The following SLC11A2 variants were observed in gnomAD, a reference collection of about 807,000 sequenced individuals.
SLC11A2 encodes the protein natural resistance-associated macrophage protein 2.
A neutral mutation model predicts 68.0 loss-of-function variants in SLC11A2; 38 were observed. That is an observed-to-expected ratio of 0.56 (90% confidence interval 0.43 to 0.73). The LOEUF (loss-of-function observed/expected upper bound fraction) is 0.73, where lower values mean the gene tolerates loss of function less well. Ranked by LOEUF, SLC11A2 falls within the 30% of genes least tolerant of loss-of-function variation. The pLI is 0.00. For synonymous variants in SLC11A2, 242 were observed against 250.6 expected, an observed-to-expected ratio of 0.97 and a Z score of 0.32; for missense variants, 517 against 690.5, an observed-to-expected ratio of 0.75 and a Z score of 2.82.
At chr12:51,021,266 C>T (rs1009866181) in intron 1 of SLC11A2, among the ~76,000 whole-genome samples, 1 of 152,140 alleles carries the variant, frequency 6.6e-6, no homozygotes, top group Admixed American at 6.6e-5. Flanking sequence ...CCTACAGACA[C>T]CAAACCATAC....
Position 50,991,682 on chromosome 12 carries a change from AAAG to A in SLC11A2, c.1348-13_1348-11del, listed in dbSNP as rs754540165. On this transcript the variant is annotated splice_polypyrimidine_tract_variant and intron_variant, in intron 13 of 15. Coordinates refer to ENST00000262052, the MANE Select transcript of SLC11A2 (RefSeq NM_000617.3). ...TGAGAGCAAAGGGAAGCTGGAAAAG[AAAG>A]AAGATCAGATGGGATTACTATGGGT... The A allele has an allele frequency of 3.5e-5, 56 of 1,611,006 alleles. No homozygotes were observed. The highest frequency in any genetic ancestry group is 4.8e-5 in the Non-Finnish European group (56 of 1,177,816).
downstream of SLC11A2, chr12:50,985,980 C>A: frequency 1.8e-6 from 2 of 1,142,106 alleles, no homozygotes; most frequent in South Asian, 1.9e-5. Context: ...AAAAAATACC[C>A]AGGAAACCAA....
Position 51,005,327 on chromosome 12 carries a change from G to T in SLC11A2, c.293C>A (p.Ala98Glu). Reference sequence around the variant, plus strand: ...GATGTTCACCTTAAATCCAGCCACTGCTCCAGACTGCAAATCGGATTCAAT... The same window carrying T: ...GATGTTCACCTTAAATCCAGCCACTTCTCCAGACTGCAAATCGGATTCAAT... ...GNIESDLQSG[A>E]VAGFKLLWIL... is the part of the protein sequence containing the mutation. The change falls in exon 4 of 16, where the codon GCA (alanine) becomes GAA (glutamate). Residue 98 changes from alanine to glutamate, a missense_variant. Coordinates refer to ENST00000262052, the MANE Select transcript of SLC11A2 (RefSeq NM_000617.3). 2 of 1,613,924 alleles carry T rather than the reference G, an allele frequency of 1.2e-6. No individual in the cohort carries two copies. Among genetic ancestry groups the T allele is most frequent in the Non-Finnish European group, 1.7e-6 (2 of 1,179,870 alleles).
the SLC11A2 span, among the ~76,000 whole-genome samples, chr12:50,971,160 G>A: frequency 1.7e-4 from 26 of 151,970 alleles, no homozygotes; most frequent in East Asian, 4.4e-3. Flanking sequence ...GATTACAGGC[G>A]TGAGCCACGG....
intron 15 of SLC11A2, among the ~76,000 whole-genome samples, chr12:50,990,320 CCT>C (rs975931045): frequency 3.3e-5 from 5 of 152,174 alleles, no homozygotes; most frequent in African/African-American, 4.8e-5. Flanking sequence ...CTATTCTCCA[CCT>C]CTGTTTTGTA....
At chr12:50,970,556 A>T in the SLC11A2 span, 24 of 1,124,392 alleles carry the variant, frequency 2.1e-5, no homozygotes, top group Non-Finnish European at 3.1e-5. Context: ...AAAACTATTT[A>T]TTATGAAGAA....
At chr12:50,994,009 A>AAAAAAAAAAAAAAAAAAAAAAAAAC (rs1941454829) in intron 11 of SLC11A2, among the ~76,000 whole-genome samples, 1 of 150,056 alleles carries the variant, frequency 6.7e-6, no homozygotes, top group Non-Finnish European at 1.5e-5. Flanking sequence ...AAAAAAAAAA[A>AAAAAAAAAAAAAAAAAAAAAAAAAC]AAAAAAAAGC....
At chr12:50,993,001 C>T in intron 11 of SLC11A2, 72 bp from the exon 12 acceptor site, 1 of 1,581,456 alleles carries the variant, frequency 6.3e-7, no homozygotes, top group Non-Finnish European at 8.7e-7. Context: ...ACAGCAGTTC[C>T]CTGTGGCATT....
rs1944359820 is a variant in SLC11A2, at chr12:51,026,006, TGCAGCTGGGA to T, written c.-39+294_-39+303del. The T allele has an allele frequency of 3.9e-6, 4 of 1,023,570 alleles. No individual in the cohort carries two copies. The African/African-American group carries it at 5.2e-5, about 13-fold the overall frequency. 63.4% of individuals were successfully genotyped at this position (1,023,570 alleles called of 1,614,324 possible). On this transcript the variant is annotated intron_variant, in intron 1 of 15. Transcript: ENST00000262052. ...GACACAGGCCGGGCGCGCCATCCGG[TGCAGCTGGGA>T]GCTGGGCCATGTGTCCTAGGCCGCG...
At chr12:51,018,983 A>C (rs916672563) in intron 1 of SLC11A2, among the ~76,000 whole-genome samples, 2 of 152,160 alleles carry the variant, frequency 1.3e-5, no homozygotes, top group African/African-American at 4.8e-5. Flanking sequence ...CATCTCAATA[A>C]AATCAAAGAC....
chr12:50,958,503 C>G, the SLC11A2 span, among the ~76,000 whole-genome samples: 1 of 150,100 alleles, frequency 6.7e-6, no homozygotes, highest in Non-Finnish European at 1.5e-5. Context: ...GGATGGTCTT[C>G]ATCTCCTGAC....
At chr12:50,997,213 G>T (rs1359994695) in intron 8 of SLC11A2, among the ~76,000 whole-genome samples, 1 of 152,020 alleles carries the variant, frequency 6.6e-6, no homozygotes, top group African/African-American at 2.4e-5. Flanking sequence ...AAAGTGCTGG[G>T]ATTACAGGCC....
the SLC11A2 span, among the ~76,000 whole-genome samples, chr12:50,957,937 GGTGTGTGT>G: frequency 0.084 from 11,151 of 132,400 alleles, 552 homozygotes; most frequent in South Asian, 0.11. Flanking sequence ...ATGAATTGGA[GGTGTGTGT>G]GTGTGTGTGT....
chr12:50,990,009 T>C (rs546866159), intron 15 of SLC11A2, among the ~76,000 whole-genome samples: 5 of 152,284 alleles, frequency 3.3e-5, no homozygotes, highest in South Asian at 4.1e-4. Context: ...TAAAGAAGAT[T>C]TGGAAAATAG....
At chr12:51,007,492 G>A (rs1039157701) in intron 3 of SLC11A2, among the ~76,000 whole-genome samples, 1 of 151,906 alleles carries the variant, frequency 6.6e-6, no homozygotes, top group Non-Finnish European at 1.5e-5. Context: ...CCACCACTAC[G>A]CCCAGCTAAC....
rs1212295233 is a variant in SLC11A2 at position 50,996,979 on chromosome 12, A to G, written c.676-7T>C. 3.1e-6 allele frequency: 5 copies of G among 1,613,092 alleles called. No individual in the cohort carries two copies. The African/African-American group carries it at 6.7e-5, about 22-fold the overall frequency. ...TGGGTTTCACTGTAACATACTACAT[A>G]CCAACATAACAATGATTAGCCTTTA... On this transcript the variant is annotated splice_polypyrimidine_tract_variant and splice_region_variant and intron_variant, in intron 8 of 15. Transcript: ENST00000262052.
intron 1 of SLC11A2, 158 bp downstream of exon 1, chr12:51,026,152 C>T: frequency 8.6e-7 from 1 of 1,157,476 alleles, no homozygotes; most frequent in Non-Finnish European, 1.1e-6. Flanking sequence ...GGGCCTGAGG[C>T]CCTCCCTGGC....
rs117059309 is a variant in SLC11A2, at chr12:51,001,398, G to A, written c.430-979C>T. Among the ~76,000 whole-genome samples, 1,220 of 152,072 alleles carry A rather than the reference G, an allele frequency of 8.0e-3. 29 individuals are homozygous for A. The highest frequency in any genetic ancestry group is 0.08 in the East Asian group (411 of 5,160). ...TGGGGTCTACTTGATGGGGGAGGGTGGAAGGAGAGAGAGAAGCAGAAAAGT... is the reference window on the plus strand; with the variant it reads ...TGGGGTCTACTTGATGGGGGAGGGTAGAAGGAGAGAGAGAAGCAGAAAAGT... On this transcript the variant is annotated intron_variant, in intron 5 of 15. Coordinates refer to ENST00000262052, the MANE Select transcript of SLC11A2 (RefSeq NM_000617.3).
chr12:50,961,949 C>T, the SLC11A2 span, among the ~76,000 whole-genome samples: 1 of 152,182 alleles, frequency 6.6e-6, no homozygotes, highest in African/African-American at 2.4e-5. Context: ...CATCATTCAG[C>T]AAACATTGAT....
Sources: allele counts gnomAD v4.1 joint callset (sites outside exome capture counted in the v4.1 genomes callset), GRCh38; gene constraint gnomAD v4.1.1; transcripts MANE v1.5; gene names NCBI Gene and HGNC (gene_info 2026-07-23, HGNC 2026-07-21).